ROBO2: variants seen among roughly 807,000 people sequenced by gnomAD.
The protein encoded by ROBO2 is roundabout guidance receptor 2.
Under a neutral mutation model 160.8 loss-of-function variants are expected in ROBO2, and 53 were observed. The observed-to-expected ratio is 0.33, with a 90% CI of 0.26 to 0.41. The LOEUF is 0.41. Among genes scored for constraint, ROBO2 ranks in the 10% least tolerant of loss-of-function variants. The pLI, the probability that ROBO2 is intolerant of heterozygous loss-of-function variation, is 1.00. For synonymous variants in ROBO2, 664 were observed against 611.7 expected, an observed-to-expected ratio of 1.09 and a Z score of -1.26; for missense variants, 1,577 against 1,722.4, an observed-to-expected ratio of 0.92 and a Z score of 1.49.
chr3:76,217,794 C>A (rs1703661418), intron 2 of ROBO2, among the ~76,000 whole-genome samples: 1 of 152,154 alleles, frequency 6.6e-6, no homozygotes, highest in African/African-American at 2.4e-5. Flanking sequence ...AAGAGGGAAT[C>A]CTCCCTACCT....
chr3:77,041,113 G>A (rs2064045855), intron 1 of ROBO2, among the ~76,000 whole-genome samples: 1 of 152,124 alleles, frequency 6.6e-6, no homozygotes, highest in African/African-American at 2.4e-5. Context: ...ATAAATGATT[G>A]GGCTCCCAGT....
At chr3:76,425,487 A>AGTGTGTGTGTGTGTGTGT in intron 2 of ROBO2, among the ~76,000 whole-genome samples, 1 of 146,468 alleles carries the variant, frequency 6.8e-6, no homozygotes, top group Non-Finnish European at 1.5e-5. Context: ...TGATGCAGCA[A>AGTGTGTGTGTGTGTGTGT]GTGTGTGTGT....
chr3:77,161,429 C>G (rs1258064261), intron 2 of ROBO2, among the ~76,000 whole-genome samples: 9 of 152,116 alleles, frequency 5.9e-5, no homozygotes, highest in Non-Finnish European at 2.9e-5. Flanking sequence ...TGTTTGGACT[C>G]TTTATTAAGG....
At chr3:76,416,786 A>C (rs1017614215) in intron 2 of ROBO2, among the ~76,000 whole-genome samples, 1 of 151,280 alleles carries the variant, frequency 6.6e-6, no homozygotes, top group African/African-American at 2.5e-5. Flanking sequence ...TGCGCCGTCA[A>C]CTTTCTTTCT....
At chr3:76,847,195 A>G (rs2068854725) in intron 2 of ROBO2, among the ~76,000 whole-genome samples, 1 of 152,296 alleles carries the variant, frequency 6.6e-6, no homozygotes, top group African/African-American at 2.4e-5. Flanking sequence ...TTTCAGAAGT[A>G]GGAAAAAAGT....
At chr3:77,519,411 A>G (rs2090359235) in intron 5 of ROBO2, among the ~76,000 whole-genome samples, 1 of 151,298 alleles carries the variant, frequency 6.6e-6, no homozygotes, top group African/African-American at 2.4e-5. Flanking sequence ...TGACATGGGT[A>G]TATAGTGTGA....
At chr3:77,004,544 T>C (rs2149433961) in intron 2 of ROBO2, among the ~76,000 whole-genome samples, 1 of 152,282 alleles carries the variant, frequency 6.6e-6, no homozygotes, top group Non-Finnish European at 1.5e-5. Flanking sequence ...ATTTCTAACT[T>C]ATCCAGGAAA....
At chr3:77,180,416 C>CTCTCTCTCTCTCTCTCTCTATA (rs1433740534) in intron 2 of ROBO2, among the ~76,000 whole-genome samples, 8 of 90,706 alleles carry the variant, frequency 8.8e-5, no homozygotes, top group Admixed American at 1.3e-4. Flanking sequence ...CTCTCTCTCT[C>CTCTCTCTCTCTCTCTCTCTATA]TATATATATA....
chr3:76,698,902 T>C (rs190543682), intron 2 of ROBO2, among the ~76,000 whole-genome samples: 4 of 152,334 alleles, frequency 2.6e-5, no homozygotes, highest in Admixed American at 2.0e-4. Context: ...CTCTAGGTTT[T>C]CATAATTGTT....
intron 2 of ROBO2, among the ~76,000 whole-genome samples, chr3:77,017,651 G>C (rs1344608630): frequency 1.3e-5 from 2 of 152,044 alleles, no homozygotes; most frequent in African/African-American, 4.8e-5. Context: ...ACATCAGGTA[G>C]AAACACAAAC....
chr3:76,391,985 T>C (rs1002866514), intron 2 of ROBO2, among the ~76,000 whole-genome samples: 2 of 152,220 alleles, frequency 1.3e-5, no homozygotes, highest in Non-Finnish European at 2.9e-5. Flanking sequence ...AAGTAGTCTT[T>C]AAGCATTGTG....
chr3:76,165,473 A>T (rs114320739), intron 2 of ROBO2, among the ~76,000 whole-genome samples: 5,451 of 152,274 alleles, frequency 0.036, 245 homozygotes, highest in African/African-American at 0.11. Flanking sequence ...CCAGACCAAT[A>T]AAACTTTCTC....
chr3:76,884,345 T>C (rs754884077), intron 2 of ROBO2, among the ~76,000 whole-genome samples: 1 of 152,230 alleles, frequency 6.6e-6, no homozygotes, highest in African/African-American at 2.4e-5. Context: ...ATTAAAGATC[T>C]ATTATTCTCT....
intron 2 of ROBO2, among the ~76,000 whole-genome samples, chr3:77,411,452 TA>T (rs2076795884): frequency 6.6e-6 from 1 of 152,206 alleles, no homozygotes; most frequent in African/African-American, 2.4e-5. Context: ...GGCATTGTTT[TA>T]AATCGTGAAA....
intron 2 of ROBO2, among the ~76,000 whole-genome samples, chr3:76,239,009 A>G (rs965014662): frequency 1.3e-5 from 2 of 152,212 alleles, no homozygotes; most frequent in African/African-American, 4.8e-5. Flanking sequence ...CAGCATTGGT[A>G]TCAACTGAAA....
chr3:76,176,152 C>A (rs1166701822), intron 2 of ROBO2, among the ~76,000 whole-genome samples: 2 of 151,828 alleles, frequency 1.3e-5, no homozygotes. Context: ...TCTTTTTTCC[C>A]AGATTAGTAA....
At chr3:76,969,804 T>C (rs919910247) in intron 2 of ROBO2, among the ~76,000 whole-genome samples, 2 of 152,022 alleles carry the variant, frequency 1.3e-5, no homozygotes, top group African/African-American at 4.8e-5. Flanking sequence ...TCAGAAGAGC[T>C]CTGTGTGTGT....
chr3:76,334,747 A>C (rs1049792672), intron 2 of ROBO2, among the ~76,000 whole-genome samples: 2 of 152,206 alleles, frequency 1.3e-5, no homozygotes, highest in African/African-American at 4.8e-5. Context: ...AGAATGTGTT[A>C]AGTATAGCAT....
intron 2 of ROBO2, among the ~76,000 whole-genome samples, chr3:76,095,879 A>C (rs1276009705): frequency 6.6e-6 from 1 of 152,150 alleles, no homozygotes; most frequent in African/African-American, 2.4e-5. Context: ...AATGTGTAAA[A>C]TATATAATAC....
Sources: allele counts gnomAD v4.1 joint callset (sites outside exome capture counted in the v4.1 genomes callset), GRCh38; gene constraint gnomAD v4.1.1; transcripts MANE v1.5; gene names NCBI Gene and HGNC (gene_info 2026-07-23, HGNC 2026-07-21).